GABBR2: variants seen among roughly 807,000 people sequenced by gnomAD.
The protein encoded by GABBR2 is G-protein coupled receptor 51.
Under a neutral mutation model 105.6 loss-of-function variants are expected in GABBR2, and 23 were observed. The observed-to-expected ratio is 0.22, with a 90% CI of 0.16 to 0.31. The LOEUF is 0.31. Among genes scored for constraint, GABBR2 ranks in the 10% least tolerant of loss-of-function variants. GABBR2 has a pLI of 1.00. For synonymous variants in GABBR2, 478 were observed against 499.7 expected (o/e 0.96, Z 0.58); for missense variants, 734 against 1,245.5 (o/e 0.59, Z 6.18).
chr9:98,515,001 T>A (rs764949350), intron 3 of GABBR2, among the ~76,000 whole-genome samples: 8 of 151,992 alleles, frequency 5.3e-5, no homozygotes, highest in Admixed American at 1.3e-4. Context: ...CCAGTTCCAG[T>A]GGGGGAGGCC....
intron 1 of GABBR2, among the ~76,000 whole-genome samples, chr9:98,680,120 G>A (rs4743265): frequency 0.93 from 141,044 of 152,232 alleles, 65,468 homozygotes; most frequent in Middle Eastern, 0.97. Context: ...TTCTTGTCCT[G>A]CAAATGAACA....
chr9:98,374,780 C>T (rs1387263574), intron 11 of GABBR2, among the ~76,000 whole-genome samples: 1 of 152,138 alleles, frequency 6.6e-6, no homozygotes, highest in Non-Finnish European at 1.5e-5. Flanking sequence ...CTGGACTTTG[C>T]CTCCCCACGT....
chr9:98,530,040 C>A (rs1828035410), intron 3 of GABBR2, among the ~76,000 whole-genome samples: 2 of 152,166 alleles, frequency 1.3e-5, no homozygotes, highest in Non-Finnish European at 2.9e-5. Context: ...GCAGATGGGC[C>A]TTGGGGGAGA....
rs1830937450 is a variant in GABBR2 at position 98,708,693 on chromosome 9, C to T, written c.45G>A (p.Pro15=). 1 of 1,023,792 alleles carries T rather than the reference C, an allele frequency of 9.8e-7. No homozygotes were observed. Among genetic ancestry groups the T allele is most frequent in the Non-Finnish European group, 1.2e-6 (1 of 857,558 alleles). 63.4% of individuals were successfully genotyped at this position (1,023,792 alleles called of 1,614,324 possible). A position where few individuals can be genotyped will look rare whatever the true frequency, so the allele number is the denominator to read the frequency against. The change falls in exon 1 of 19, where the codon CCG becomes CCA. Residue 15 remains proline, a synonymous_variant. Transcript: ENST00000259455. ...GCAGGCGCGCGGGCGGCGGTGGCGG[C>T]GGCGGCGGCGGCCCGGGCTGCCCGG... ...RSSGQPGPPP[P]PPPPPARLLL... is the part of the protein sequence containing the mutation.
chr9:98,441,512 T>C (rs1826030748), intron 7 of GABBR2, among the ~76,000 whole-genome samples: 1 of 152,136 alleles, frequency 6.6e-6, no homozygotes, highest in East Asian at 1.9e-4. Flanking sequence ...GGATTACAGG[T>C]GTGTGCCATC....
intron 13 of GABBR2, among the ~76,000 whole-genome samples, chr9:98,358,588 G>A (rs906386572): frequency 1.3e-5 from 2 of 152,212 alleles, no homozygotes; most frequent in Admixed American, 1.3e-4. Flanking sequence ...TGAAGGAAGG[G>A]CCACATCTCA....
rs766671692 is a variant in GABBR2 at position 98,299,278 on chromosome 9, G to C, written c.2488C>G (p.His830Asp). The C allele has an allele frequency of 6.2e-7, 1 of 1,614,072 alleles. No individual in the cohort carries two copies. Among genetic ancestry groups the C allele is most frequent in the South Asian group, 1.1e-5 (1 of 91,072 alleles). Residue 830 changes from histidine to aspartate, a missense_variant, in exon 17 of 19, where the codon CAC (histidine) becomes GAC (aspartate). Physicochemically the swap from His to Asp is moderately conservative, Grantham distance 81 (BLOSUM62 -1). Coordinates refer to ENST00000259455, the MANE Select transcript of GABBR2 (RefSeq NM_005458.8). ...PEKTTYIKQNHYQELNDILNL... is the reference protein window; with the variant it reads ...PEKTTYIKQNDYQELNDILNL... ...AGGATGTCATTGAGCTCTTGGTAGT[G>C]GTTCTGTTTAATGTAGGTGGTCTTT...
chr9:98,607,229 C>T, intron 1 of GABBR2: 1 of 1,441,216 alleles, frequency 6.9e-7, no homozygotes. Context: ...CAATCGACTA[C>T]ATTGATAATA....
intron 1 of GABBR2, among the ~76,000 whole-genome samples, chr9:98,614,161 A>T (rs190409023): frequency 2.6e-5 from 4 of 152,354 alleles, no homozygotes; most frequent in Non-Finnish European, 5.9e-5. Flanking sequence ...CAGAAGGAAC[A>T]CTCAAAATAA....
intron 11 of GABBR2, among the ~76,000 whole-genome samples, chr9:98,374,083 C>T (rs112335250): frequency 0.021 from 3,250 of 151,936 alleles, 124 homozygotes; most frequent in African/African-American, 0.074. Flanking sequence ...GGTCTTGAAC[C>T]CCTGAACTCA....
intron 9 of GABBR2, 120 bp from the exon 10 acceptor site, chr9:98,389,124 T>C: frequency 3.8e-6 from 3 of 792,576 alleles, no homozygotes; most frequent in Non-Finnish European, 6.1e-6. Flanking sequence ...ACAAGGCACA[T>C]CTATCTACCG....
At chr9:98,387,050 C>T (rs1588134583) in intron 10 of GABBR2, among the ~76,000 whole-genome samples, 2 of 152,104 alleles carry the variant, frequency 1.3e-5, no homozygotes, top group Non-Finnish European at 2.9e-5. Context: ...TTAGGTGCCT[C>T]AATTCTTATT....
intron 2 of GABBR2, among the ~76,000 whole-genome samples, chr9:98,550,436 A>G (rs1202471369): frequency 2.6e-5 from 4 of 152,212 alleles, no homozygotes; most frequent in Admixed American, 2.6e-4. Context: ...TTACCACAAT[A>G]TAAAAAGAAA....
intron 2 of GABBR2, among the ~76,000 whole-genome samples, chr9:98,572,273 C>T (rs1366883062): frequency 1.3e-5 from 2 of 152,202 alleles, no homozygotes; most frequent in African/African-American, 2.4e-5. Context: ...TCAAGAGGCC[C>T]AGCAAAAGGC....
chr9:98,511,466 A>G (rs1288135383), intron 3 of GABBR2, among the ~76,000 whole-genome samples: 1 of 11,148 alleles, frequency 9.0e-5, no homozygotes, highest in Non-Finnish European at 1.8e-4. Context: ...TGAATCCAGG[A>G]GCTGGTTTTT....
Position 98,405,621 on chromosome 9 carries a change from A to G in GABBR2, c.1297+460T>C, listed in dbSNP as rs146707425. On this transcript the variant is annotated intron_variant, in intron 8 of 18. Coordinates refer to ENST00000259455, the MANE Select transcript of GABBR2 (RefSeq NM_005458.8). Reference sequence around the variant, plus strand: ...CCCTTGAGGATTCCAAAATCCCCCAACGACCAAGTCCCTGATATAAAATGG... The same window carrying G: ...CCCTTGAGGATTCCAAAATCCCCCAGCGACCAAGTCCCTGATATAAAATGG... Among the ~76,000 whole-genome samples the G allele has an allele frequency of 3.9e-3, 593 of 152,282 alleles. 1 individual carries two copies. Among genetic ancestry groups the G allele is most frequent in the African/African-American group, 0.014 (567 of 41,558 alleles).
chr9:98,473,755 T>A (rs1826734495), intron 5 of GABBR2, among the ~76,000 whole-genome samples: 1 of 152,166 alleles, frequency 6.6e-6, no homozygotes, highest in African/African-American at 2.4e-5. Context: ...ACATACCAGA[T>A]CTTTGGGGAA....
intron 1 of GABBR2, among the ~76,000 whole-genome samples, chr9:98,662,439 C>T (rs1830276201): frequency 6.6e-6 from 1 of 152,160 alleles, no homozygotes; most frequent in Non-Finnish European, 1.5e-5. Flanking sequence ...AATGATTAAT[C>T]ACCAATTTCA....
chr9:98,394,218 C>T lies in GABBR2; in HGVS notation c.1335G>A (p.Val445=). The change falls in exon 9 of 19, where the codon GTG becomes GTA. Residue 445 remains valine, a synonymous_variant. Transcript: ENST00000259455. ...CATTGATGATCTCCAGTGTGTCGGCCACAGCGTTGTACTCTCCCACCTTCA... is the reference window on the plus strand; with the variant it reads ...CATTGATGATCTCCAGTGTGTCGGCTACAGCGTTGTACTCTCCCACCTTCA... ...REVKVGEYNA[V]ADTLEIINDT... is the part of the protein sequence containing the mutation. The T allele has an allele frequency of 6.2e-7, 1 of 1,614,038 alleles. No homozygotes were observed. Among genetic ancestry groups the T allele is most frequent in the South Asian group, 1.1e-5 (1 of 91,070 alleles).
Sources: gnomAD v4.1 joint callset for allele counts (sites outside exome capture counted in the v4.1 genomes callset) on GRCh38, gnomAD v4.1.1 for gene constraint, MANE v1.5 for transcripts, NCBI Gene and HGNC (gene_info 2026-07-23, HGNC 2026-07-21) for gene names.